The following DCLK2 variants were observed in gnomAD, a reference collection of about 807,000 sequenced individuals.
DCLK2 encodes the protein doublecortin like kinase 2.
In DCLK2, 31 loss-of-function variants were observed where a neutral mutation model predicts 78.4. The ratio of observed to expected loss-of-function variants is 0.40; its 90% CI spans 0.30 to 0.53. The LOEUF (loss-of-function observed/expected upper bound fraction) is 0.53, where lower values mean the gene tolerates loss of function less well. Ranked by LOEUF, DCLK2 falls within the 20% of genes least tolerant of loss-of-function variation. The pLI is 0.61. For synonymous variants in DCLK2, 407 were observed against 374.9 expected, an observed-to-expected ratio of 1.09 and a Z score of -0.99; for missense variants, 872 against 973.7, an observed-to-expected ratio of 0.90 and a Z score of 1.39.
intron 1 of DCLK2, among the ~76,000 whole-genome samples, chr4:150,086,576 G>A (rs967440761): frequency 1.5e-4 from 22 of 150,768 alleles, no homozygotes; most frequent in African/African-American, 4.9e-4. Context: ...GCGCAATCTC[G>A]GCTGACTGCA....
At chr4:150,106,075 C>A (rs559028506) in intron 2 of DCLK2, among the ~76,000 whole-genome samples, 1 of 151,928 alleles carries the variant, frequency 6.6e-6, no homozygotes, top group African/African-American at 2.4e-5. Flanking sequence ...AAAAAAAGAT[C>A]TTTTAAGACT....
intron 2 of DCLK2, among the ~76,000 whole-genome samples, chr4:150,167,688 TTAAAA>T (rs1251827393): frequency 6.6e-6 from 1 of 152,064 alleles, no homozygotes; most frequent in Non-Finnish European, 1.5e-5. Context: ...GTCAGGCAGT[TTAAAA>T]TAATGATTGG....
Position 150,131,217 on chromosome 4 carries a change from G to A in DCLK2, c.756+28405G>A, listed in dbSNP as rs116652887. The stretch of plus-strand genomic sequence containing the variant: ...TTGATCATTTTATTAAGAGCACATG[G>A]CAGCTCACCATTGTGTTAAGGCAGA... On this transcript the variant is annotated intron_variant, in intron 2 of 15. Coordinates refer to ENST00000296550, the MANE Select transcript of DCLK2 (RefSeq NM_001040260.4). 5.1e-3 allele frequency among the ~76,000 whole-genome samples: 780 copies of A among 152,076 alleles called. 1 individual carries two copies. Among genetic ancestry groups the A allele is most frequent in the Middle Eastern group, 0.01 (3 of 294 alleles).
At chr4:150,172,466 G>A (rs1224953516) in intron 2 of DCLK2, among the ~76,000 whole-genome samples, 2 of 151,864 alleles carry the variant, frequency 1.3e-5, no homozygotes, top group East Asian at 3.9e-4. Context: ...AATTAGCCGG[G>A]CATCATGGCG....
chr4:150,247,610 A>C lies in DCLK2; in HGVS notation c.1786A>C (p.Asn596His). ...TCTTTGTCACTGGCTTAGTGAGAAC[A>C]ATCTCCAGGAAGATCTCTTCGACCA... The part of the protein sequence containing the change: ...CGFPPFRSEN[N>H]LQEDLFDQIL... Residue 596 changes from asparagine to histidine, a missense_variant, in exon 13 of 16, where the codon AAT becomes CAT. Around this residue, in one of 3 missense-constraint regions of DCLK2, gnomAD observed 219 missense variants for 230.1 expected, o/e 0.95. Coordinates refer to ENST00000296550, the MANE Select transcript of DCLK2 (RefSeq NM_001040260.4). The C allele has an allele frequency of 1.2e-6, 2 of 1,613,890 alleles. No homozygotes were observed. The highest frequency in any genetic ancestry group is 1.7e-6 in the Non-Finnish European group (2 of 1,179,922).
At chr4:150,092,728 C>A (rs890746458) in intron 1 of DCLK2, among the ~76,000 whole-genome samples, 1 of 152,058 alleles carries the variant, frequency 6.6e-6, no homozygotes, top group South Asian at 2.1e-4. Flanking sequence ...GCAGAAAAAG[C>A]GTTTGATAAA....
intron 2 of DCLK2, among the ~76,000 whole-genome samples, chr4:150,144,529 T>C (rs1734326318): frequency 6.6e-6 from 1 of 152,160 alleles, no homozygotes; most frequent in Non-Finnish European, 1.5e-5. Flanking sequence ...CTCCAGATTG[T>C]TCTTTTTGAA....
At chr4:150,142,596 T>G (rs1229195807) in intron 2 of DCLK2, among the ~76,000 whole-genome samples, 1 of 152,210 alleles carries the variant, frequency 6.6e-6, no homozygotes, top group Non-Finnish European at 1.5e-5. Context: ...TTCAAGCTTT[T>G]TATTTATGGA....
chr4:150,246,079 C>T (rs1053071834), intron 12 of DCLK2, among the ~76,000 whole-genome samples: 3 of 149,000 alleles, frequency 2.0e-5, no homozygotes, highest in Non-Finnish European at 4.4e-5. Context: ...GAGTCTTGCT[C>T]TGTTGCCCAG....
Position 150,106,711 on chromosome 4 carries a change from T to C in DCLK2, c.756+3899T>C, listed in dbSNP as rs993230695. ...TAAGGGGCTGGTTATCCTTTGAGTT[T>C]GAACATGTTTCTGATTGAAGACATG... On this transcript the variant is annotated intron_variant, in intron 2 of 15. Coordinates refer to ENST00000296550, the MANE Select transcript of DCLK2 (RefSeq NM_001040260.4). Among the ~76,000 whole-genome samples the C allele has an allele frequency of 2.6e-5, 4 of 152,188 alleles. No homozygotes were observed. In the South Asian group the frequency reaches 6.2e-4, roughly 24 times the overall value.
chr4:150,205,099 A>C (rs1739755961), intron 5 of DCLK2, among the ~76,000 whole-genome samples: 1 of 152,142 alleles, frequency 6.6e-6, no homozygotes, highest in South Asian at 2.1e-4. Context: ...ATAGCCCTAG[A>C]GGATTTCTTT....
chr4:150,109,189 A>G (rs1252685305), intron 2 of DCLK2, among the ~76,000 whole-genome samples: 2 of 152,210 alleles, frequency 1.3e-5, no homozygotes, highest in African/African-American at 4.8e-5. Context: ...TCTCTTTTCA[A>G]AAATTGCTAC....
chr4:150,135,550 C>T (rs971142860), intron 2 of DCLK2, among the ~76,000 whole-genome samples: 68 of 152,174 alleles, frequency 4.5e-4, no homozygotes, highest in Middle Eastern at 3.2e-3. Context: ...TAAAATACAA[C>T]GTGTGATAGG....
intron 2 of DCLK2, among the ~76,000 whole-genome samples, chr4:150,145,574 A>G (rs570276363): frequency 2.0e-5 from 3 of 152,334 alleles, no homozygotes; most frequent in South Asian, 4.1e-4. Flanking sequence ...ATTTTTCTCA[A>G]TGCTAAGGGA....
intron 2 of DCLK2, among the ~76,000 whole-genome samples, chr4:150,106,629 T>C (rs1222918070): frequency 6.6e-6 from 1 of 152,230 alleles, no homozygotes; most frequent in African/African-American, 2.4e-5. Context: ...TAAATAACTT[T>C]TAGGCAATTC....
chr4:150,239,927 T>A, intron 11 of DCLK2, 52 bp downstream of exon 11: 2 of 1,595,978 alleles, frequency 1.3e-6, no homozygotes, highest in Non-Finnish European at 1.7e-6. Flanking sequence ...GAGAAAGGTC[T>A]GTTTTGTTGC....
At chr4:150,079,533 G>C in intron 1 of DCLK2, 85 bp downstream of exon 1, 1 of 1,349,274 alleles carries the variant, frequency 7.4e-7, no homozygotes, top group Non-Finnish European at 9.8e-7. Flanking sequence ...GGGAGCCCGC[G>C]GGGTGCTTTC....
At chr4:150,126,238 A>C (rs1560793159) in intron 2 of DCLK2, among the ~76,000 whole-genome samples, 3 of 152,332 alleles carry the variant, frequency 2.0e-5, no homozygotes, top group Middle Eastern at 3.4e-3. Flanking sequence ...TAATTCATTC[A>C]GCTATTATTT....
intron 3 of DCLK2, among the ~76,000 whole-genome samples, chr4:150,196,550 C>T (rs1472003428): frequency 1.3e-5 from 2 of 152,106 alleles, no homozygotes; most frequent in African/African-American, 4.8e-5. Context: ...ACATTTTAAA[C>T]TTCCTGCATA....
Sources: gnomAD v4.1 joint callset for allele counts (sites outside exome capture counted in the v4.1 genomes callset) on GRCh38, gnomAD v4.1.1 for gene constraint, gnomAD v4.1.1 regional missense constraint, MANE v1.5 for transcripts, NCBI Gene and HGNC (gene_info 2026-07-23, HGNC 2026-07-21) for gene names.